Variants in DOT1L observed in about 807,000 individuals in gnomAD.
DOT1L encodes the protein DOT1 like histone lysine methyltransferase.
In DOT1L, 33 loss-of-function variants were observed where a neutral mutation model predicts 153.3. The observed-to-expected ratio is 0.22, with a 90% CI of 0.16 to 0.29. The LOEUF (loss-of-function observed/expected upper bound fraction) is 0.29, where lower values mean the gene tolerates loss of function less well. DOT1L is among the 10% of genes least tolerant of loss of function. The probability of loss-of-function intolerance (pLI) is 1.00; values close to 1 mark genes in which losing one functional copy is unlikely to be tolerated. For missense variants in DOT1L, 1,847 were observed against 2,119.9 expected (o/e 0.87, Z 2.53); for synonymous variants, 1,135 against 965.1 (o/e 1.18, Z -3.26).
At position 2,172,478 on chromosome 19, in the gene DOT1L, C is replaced by T. The variant is rs188076358; in HGVS notation, c.81+8213C>T. 3.9e-4 allele frequency among the ~76,000 whole-genome samples: 59 copies of T among 149,640 alleles called. No homozygotes were observed. In the Middle Eastern group the frequency reaches 0.014, roughly 36 times the overall value. On this transcript the variant is annotated intron_variant, in intron 1 of 27. Transcript: ENST00000398665. ...TGCTGGGATCACAGGTGTGAGCCAC[C>T]GTGCCCGGCCAGCCACTTTTCTTTC...
intron 27 of DOT1L, chr19:2,229,449 G>T: frequency 1.0e-6 from 1 of 985,468 alleles, no homozygotes; most frequent in Non-Finnish European, 1.2e-6. Flanking sequence ...CAGCCTGGCG[G>T]GTCAATGCGG....
rs575323062 is a variant in DOT1L at position 2,176,781 on chromosome 19, C to G, written c.82-3932C>G. Among the ~76,000 whole-genome samples the G allele has an allele frequency of 1.2e-4, 19 of 152,340 alleles. No individual in the cohort carries two copies. The South Asian group carries it at 3.5e-3, about 28-fold the overall frequency. ...AGCGACTCCCTGTGACAAGAAAACTCTGAAACCAGGCGAGGCAGGGCCCTC... is the reference window on the plus strand; with the variant it reads ...AGCGACTCCCTGTGACAAGAAAACTGTGAAACCAGGCGAGGCAGGGCCCTC... On this transcript the variant is annotated intron_variant, in intron 1 of 27. Coordinates refer to ENST00000398665, the MANE Select transcript of DOT1L (RefSeq NM_032482.3).
chr19:2,200,002 T>C lies in DOT1L; in HGVS notation c.707+63T>C, dbSNP rs371630122. Reference sequence around the variant, plus strand: ...TGCGCTCACAGGCGGGCGGTGGCCATGGCACCGGGGACCGGGAGCGGCCCC... The same window carrying C: ...TGCGCTCACAGGCGGGCGGTGGCCACGGCACCGGGGACCGGGAGCGGCCCC... On this transcript the variant is annotated intron_variant, in intron 8 of 27. Transcript: ENST00000398665. 1.6e-3 allele frequency: 2,480 copies of C among 1,589,032 alleles called. 5 individuals are homozygous for C. Among genetic ancestry groups the C allele is most frequent in the Non-Finnish European group, 1.7e-3 (1,984 of 1,162,042 alleles).
Position 2,208,458 on chromosome 19 carries a change from TC to T in DOT1L, c.964-472del, listed in dbSNP as rs1251485340. 1.3e-5 allele frequency among the ~76,000 whole-genome samples: 2 copies of T among 151,922 alleles called. No individual in the cohort carries two copies. Among genetic ancestry groups the T allele is most frequent in the Non-Finnish European group, 2.9e-5 (2 of 67,936 alleles). ...CAGATGCACCCCGCCCTCCCACTGC[TC>T]CCCCGAGGGCCCTGGGACGAGAGGC... On this transcript the variant is annotated intron_variant, in intron 11 of 27. Transcript: ENST00000398665. The surrounding 1 kb of genome is among the most constrained non-coding windows in gnomAD (Gnocchi z 4.4).
intron 9 of DOT1L, 53 bp downstream of exon 9, chr19:2,202,832 T>A: frequency 1.3e-6 from 2 of 1,599,014 alleles, no homozygotes; most frequent in Non-Finnish European, 1.7e-6. Context: ...TGAGGAAGGG[T>A]GGCCAGGAGG....
rs3815308 is a variant in DOT1L, at chr19:2,226,677, G to C, written c.4156G>C (p.Gly1386Arg). 14 of 1,573,494 alleles carry C rather than the reference G, an allele frequency of 8.9e-6. No individual in the cohort carries two copies. The East Asian group carries it at 1.4e-4, about 16-fold the overall frequency. ...TGGGCTGAAGGGCGAGGGCAGCCGC[G>C]GCAAGGAGGCAGGGGAGGGCGGCCT... ...LAGLKGEGSR[G>R]KEAGEGGLPL... The change falls in exon 27 of 28, where the codon GGC (glycine) becomes CGC (arginine). Residue 1386 changes from glycine (G) to arginine (R), a missense_variant. Gly to Arg is a moderately radical substitution (Grantham distance 125). Coordinates refer to ENST00000398665, the MANE Select transcript of DOT1L (RefSeq NM_032482.3).
rs58189866 is a variant in DOT1L at position 2,207,054 on chromosome 19, C to T, written c.856+257C>T. On this transcript the variant is annotated intron_variant, in intron 10 of 27. Coordinates refer to ENST00000398665, the MANE Select transcript of DOT1L (RefSeq NM_032482.3). The surrounding 1 kb of genome is among the most constrained non-coding windows in gnomAD (Gnocchi z 4.5). ...GTGCCATGGGGGTAGAATCACTCCT[C>T]GGGGAGACCCCGGCTTCGAGGGGAG... 6.1e-3 allele frequency among the ~76,000 whole-genome samples: 925 copies of T among 152,306 alleles called. 5 individuals carry two copies. The highest frequency in any genetic ancestry group is 0.021 in the African/African-American group (866 of 41,562).
intron 7 of DOT1L, among the ~76,000 whole-genome samples, chr19:2,195,374 C>T (rs368793173): frequency 6.6e-6 from 1 of 152,148 alleles, no homozygotes; most frequent in African/African-American, 2.4e-5. Flanking sequence ...CCTCACAGTC[C>T]CAGCTGCTCA....
intron 27 of DOT1L, 98 bp downstream of exon 27, chr19:2,227,225 G>A (rs1406519653): frequency 6.8e-7 from 1 of 1,461,062 alleles, no homozygotes; most frequent in Non-Finnish European, 9.5e-7. Flanking sequence ...AGCAGGAGCT[G>A]AGCTGCAGGT....
intron 22 of DOT1L, among the ~76,000 whole-genome samples, chr19:2,218,753 A>G (rs562500147): frequency 2.1e-5 from 3 of 141,996 alleles, no homozygotes; most frequent in East Asian, 4.4e-4. Context: ...CTGGAGTGCA[A>G]TTGTGTGATC....
intron 27 of DOT1L, chr19:2,227,706 T>G: frequency 1.5e-5 from 20 of 1,300,542 alleles, no homozygotes; most frequent in Non-Finnish European, 2.0e-5. Context: ...CTGCCGCTTG[T>G]TGAAGCTGCG....
rs889419457 is a variant in DOT1L, at chr19:2,205,999, GT to G, written c.788-720del. 2.5e-4 allele frequency among the ~76,000 whole-genome samples: 36 copies of G among 146,728 alleles called. No homozygotes were observed. In the East Asian group the frequency reaches 4.5e-3, roughly 18 times the overall value. ...GCCTGTGCGCCTGGCAGCGTAGTGG[GT>G]TTTTTTTTTCTTTTGAGGCAGAGTC... On this transcript the variant is annotated intron_variant, in intron 9 of 27. Transcript: ENST00000398665.
intron 1 of DOT1L, among the ~76,000 whole-genome samples, chr19:2,176,432 A>G (rs532968500): frequency 1.1e-4 from 16 of 152,264 alleles, no homozygotes; most frequent in South Asian, 2.1e-4. Context: ...TCACCCTGCT[A>G]CTGCTTCTGC....
chr19:2,220,143 C>G lies in DOT1L; in HGVS notation c.2727C>G (p.Asp909Glu), dbSNP rs778876235. The G allele has an allele frequency of 3.7e-6, 6 of 1,613,284 alleles. No homozygotes were observed. The East Asian group carries it at 1.1e-4, about 30-fold the overall frequency. ...STPSPVLQPR[D>E]PSSTLEKQIG... ...CCAGTCCCGTGCTGCAGCCCCGTGA[C>G]CCCTCGTCCACACTTGAAAAGCAGA... Residue 909 changes from aspartate (D) to glutamate (E), a missense_variant, in exon 23 of 28, where the codon GAC (aspartate) becomes GAG (glutamate). Physicochemically the swap from Asp to Glu is conservative, Grantham distance 45 (BLOSUM62 2). Around this residue, in one of 8 missense-constraint regions of DOT1L, gnomAD observed 68 missense variants for 80.7 expected, o/e 0.84. Transcript: ENST00000398665. This position sits in a 1 kb window ranked among gnomAD's most constrained non-coding sequence, Gnocchi z 4.5.
chr19:2,209,456 C>T (rs2023627992), intron 12 of DOT1L, among the ~76,000 whole-genome samples: 1 of 152,246 alleles, frequency 6.6e-6, no homozygotes, highest in Admixed American at 6.5e-5. Context: ...TCACTGCTGG[C>T]TGCCCCCTCT....
intron 2 of DOT1L, among the ~76,000 whole-genome samples, chr19:2,185,063 G>A (rs2022427768): frequency 6.6e-6 from 1 of 152,198 alleles, no homozygotes; most frequent in Non-Finnish European, 1.5e-5. Flanking sequence ...ATTCACCAGT[G>A]TGTTTTTGTA....
At chr19:2,186,759 G>A (rs1388921894) in intron 3 of DOT1L, among the ~76,000 whole-genome samples, 6 of 152,254 alleles carry the variant, frequency 3.9e-5, no homozygotes, top group Non-Finnish European at 7.3e-5. Context: ...AGACAAGCGT[G>A]TTGCTGGCAG....
intron 1 of DOT1L, among the ~76,000 whole-genome samples, 192 bp from the exon 2 acceptor site, chr19:2,180,521 G>A (rs571156843): frequency 5.9e-5 from 9 of 152,302 alleles, no homozygotes; most frequent in African/African-American, 2.2e-4. Context: ...TCCCCGGCAA[G>A]GTCTGTGTTC....
At position 2,231,006 on chromosome 19, in the gene DOT1L, C is replaced by T. The variant is rs374342297; in HGVS notation, c.*1214C>T. ...CTGGCCCTAGGCCCCAGGGTGACGTCGGCCCCCCACTCTGCAGCCTTGGCG... is the reference window on the plus strand; with the variant it reads ...CTGGCCCTAGGCCCCAGGGTGACGTTGGCCCCCCACTCTGCAGCCTTGGCG... On this transcript the variant is annotated 3_prime_UTR_variant, in exon 28 of 28. Coordinates refer to ENST00000398665, the MANE Select transcript of DOT1L (RefSeq NM_032482.3). 3.8e-5 allele frequency: 9 copies of T among 239,726 alleles called. No individual in the cohort carries two copies. The highest frequency in any genetic ancestry group is 1.5e-4 in the African/African-American group (7 of 45,734). 14.8% of individuals were successfully genotyped at this position (239,726 alleles called of 1,614,324 possible). A position where few individuals can be genotyped will look rare whatever the true frequency, so the allele number is the denominator to read the frequency against.
Sources: allele counts gnomAD v4.1 joint callset (sites outside exome capture counted in the v4.1 genomes callset), GRCh38; gene constraint gnomAD v4.1.1; regional missense constraint gnomAD v4.1.1; non-coding constraint Gnocchi (gnomAD v3.1); transcripts MANE v1.5; gene names NCBI Gene and HGNC (gene_info 2026-07-23, HGNC 2026-07-21).